The following RABGEF1 variants were observed in gnomAD, a reference collection of about 807,000 sequenced individuals.
RABGEF1 encodes RAB guanine nucleotide exchange factor 1, also known as rab5 GDP/GTP exchange factor.
Under a neutral mutation model 57.3 loss-of-function variants are expected in RABGEF1, and 26 were observed. That is an observed-to-expected ratio of 0.45 (90% CI 0.33 to 0.63). The LOEUF (loss-of-function observed/expected upper bound fraction) is 0.63. Ranked by LOEUF, RABGEF1 falls within the 20% of genes least tolerant of loss-of-function variation. The pLI is 0.02. For synonymous variants in RABGEF1, 185 were observed against 210.7 expected, an observed-to-expected ratio of 0.88 and a Z score of 1.06; for missense variants, 464 against 607.6, an observed-to-expected ratio of 0.76 and a Z score of 2.48.
chr7:66,772,722 A>G (rs1807448051), intron 2 of RABGEF1, among the ~76,000 whole-genome samples: 1 of 152,084 alleles, frequency 6.6e-6, no homozygotes, highest in Admixed American at 6.5e-5. Context: ...CAGCCTGACC[A>G]ACATGGTGAA....
At chr7:66,662,101 C>G in the RABGEF1 span, among the ~76,000 whole-genome samples, 3 of 151,958 alleles carry the variant, frequency 2.0e-5, no homozygotes, top group African/African-American at 7.3e-5. Context: ...TAGCCGGGCA[C>G]GGTGGCAGAC....
At chr7:66,799,681 C>A (rs117306405) in intron 7 of RABGEF1, among the ~76,000 whole-genome samples, 5 of 151,578 alleles carry the variant, frequency 3.3e-5, no homozygotes, top group African/African-American at 1.2e-4. Flanking sequence ...AATTTTTTTT[C>A]TTTTTTTTGT....
At chr7:66,699,557 T>C (rs1792898307) in intron 1 of RABGEF1, among the ~76,000 whole-genome samples, 1 of 152,094 alleles carries the variant, frequency 6.6e-6, no homozygotes, top group Admixed American at 6.6e-5. Context: ...CCGAGCGTCG[T>C]GGCAGGCACC....
intron 1 of RABGEF1, among the ~76,000 whole-genome samples, chr7:66,760,732 G>A (rs1286352586): frequency 1.3e-5 from 2 of 151,756 alleles, no homozygotes; most frequent in Admixed American, 1.3e-4. Flanking sequence ...ATGAGCCACC[G>A]CACCCAGCCA....
chr7:66,656,677 G>A, the RABGEF1 span, among the ~76,000 whole-genome samples: 12 of 151,916 alleles, frequency 7.9e-5, no homozygotes, highest in Non-Finnish European at 1.6e-4. Flanking sequence ...AAAATTAGCC[G>A]GCTGTGATGG....
At chr7:66,736,983 T>C (rs956836262), upstream of RABGEF1, among the ~76,000 whole-genome samples, 12 of 151,970 alleles carry the variant, frequency 7.9e-5, no homozygotes, top group Non-Finnish European at 1.5e-4. Context: ...TATGTGCTGA[T>C]GCACTGGGGC....
At chr7:66,656,536 C>T in the RABGEF1 span, among the ~76,000 whole-genome samples, 7 of 152,086 alleles carry the variant, frequency 4.6e-5, no homozygotes, top group Non-Finnish European at 1.0e-4. Flanking sequence ...AAATGGGTCT[C>T]TCTGGCTGGG....
the RABGEF1 span, among the ~76,000 whole-genome samples, chr7:66,660,588 A>G: frequency 6.6e-6 from 1 of 150,776 alleles, no homozygotes; most frequent in Non-Finnish European, 1.5e-5. Flanking sequence ...TTCGGAGTGC[A>G]CTCCATTGCA....
At chr7:66,781,483 G>C (rs1256918869) in intron 3 of RABGEF1, among the ~76,000 whole-genome samples, 2 of 152,046 alleles carry the variant, frequency 1.3e-5, no homozygotes, top group African/African-American at 4.8e-5. Context: ...CCTACGTTAG[G>C]TATTTCTCCT....
intron 1 of RABGEF1, among the ~76,000 whole-genome samples, chr7:66,695,047 C>T (rs1313256357): frequency 6.6e-6 from 1 of 152,160 alleles, no homozygotes; most frequent in Non-Finnish European, 1.5e-5. Flanking sequence ...TGCGGCAGCT[C>T]ATGCCTGTAA....
At chr7:66,709,420 A>G (rs1379391197) in intron 1 of RABGEF1, among the ~76,000 whole-genome samples, 1 of 152,224 alleles carries the variant, frequency 6.6e-6, no homozygotes, top group Admixed American at 6.5e-5. Context: ...CATAAGCATC[A>G]CTATAACTAG....
At chr7:66,783,248 G>A (rs924704617) in intron 3 of RABGEF1, among the ~76,000 whole-genome samples, 3 of 152,190 alleles carry the variant, frequency 2.0e-5, no homozygotes, top group African/African-American at 7.2e-5. Context: ...GATTTGGAAA[G>A]GTTGTCTGAC....
upstream of RABGEF1, among the ~76,000 whole-genome samples, chr7:66,681,393 C>CTT (rs60669901): frequency 2.4e-3 from 312 of 128,814 alleles, 3 homozygotes; most frequent in South Asian, 0.024. Flanking sequence ...CTCAGTTACG[C>CTT]TTTTTTTTTT....
At chr7:66,745,635 G>T (rs1195128428) in intron 1 of RABGEF1, among the ~76,000 whole-genome samples, 1 of 152,032 alleles carries the variant, frequency 6.6e-6, no homozygotes, top group African/African-American at 2.4e-5. Context: ...CAGGCATGGT[G>T]ATGTGCGCCT....
At chr7:66,790,385 A>G (rs1481810390) in intron 4 of RABGEF1, among the ~76,000 whole-genome samples, 1 of 152,084 alleles carries the variant, frequency 6.6e-6, no homozygotes, top group Non-Finnish European at 1.5e-5. Flanking sequence ...GTGTTGTAAC[A>G]AGGTTTGAGG....
In RABGEF1 at chr7:66,809,086, G is replaced by T. The variant is rs1421371266; in HGVS notation, c.1278G>T (p.Arg426Ser). Residue 426 changes from arginine to serine, a missense_variant, in exon 9 of 9, where the codon AGG (arginine) becomes AGT (serine). Arg to Ser is a moderately radical substitution (Grantham distance 110, BLOSUM62 -1). Transcript: ENST00000284957. ...LLSQLNERQE[R>S]IMNEAKKLEK... Reference sequence around the variant, plus strand: ...CTCAGTTGAATGAACGACAAGAAAGGATCATGAATGAAGCCAAGAAACTGG... The same window carrying T: ...CTCAGTTGAATGAACGACAAGAAAGTATCATGAATGAAGCCAAGAAACTGG... The T allele has an allele frequency of 6.2e-7, 1 of 1,614,090 alleles. No individual in the cohort carries two copies. Among genetic ancestry groups the T allele is most frequent in the Non-Finnish European group, 8.5e-7 (1 of 1,179,998 alleles).
chr7:66,663,535 G>GC, the RABGEF1 span, among the ~76,000 whole-genome samples: 1 of 143,008 alleles, frequency 7.0e-6, no homozygotes, highest in East Asian at 2.2e-4. Context: ...CTGAGATCAC[G>GC]CCACTGCACT....
intron 3 of RABGEF1, among the ~76,000 whole-genome samples, chr7:66,782,820 T>G (rs1219495703): frequency 6.6e-6 from 1 of 152,174 alleles, no homozygotes; most frequent in Admixed American, 6.5e-5. Flanking sequence ...AAAAAAATTA[T>G]TTTTTCGTTT....
chr7:66,761,374 A>G (rs1413679814), intron 1 of RABGEF1, among the ~76,000 whole-genome samples: 3 of 152,124 alleles, frequency 2.0e-5, no homozygotes, highest in South Asian at 2.1e-4. Flanking sequence ...TTTTAGGTTC[A>G]ATTAATTTGC....
Sources: allele counts gnomAD v4.1 joint callset (sites outside exome capture counted in the v4.1 genomes callset), GRCh38; gene constraint gnomAD v4.1.1; transcripts MANE v1.5; gene names NCBI Gene and HGNC (gene_info 2026-07-23, HGNC 2026-07-21).